Variants in UBAC2 observed in about 807,000 individuals in gnomAD.
UBAC2 encodes the protein UBA domain containing 2.
A neutral mutation model predicts 44.0 loss-of-function variants in UBAC2; 26 were observed. That is an observed-to-expected ratio of 0.59 (90% confidence interval 0.43 to 0.82). The LOEUF (loss-of-function observed/expected upper bound fraction) is 0.82. Among genes scored for constraint, UBAC2 ranks in the 40% least tolerant of loss-of-function variants. The pLI is 0.00. For synonymous variants in UBAC2, 155 were observed against 154.3 expected, an observed-to-expected ratio of 1.00 and a Z score of -0.04; for missense variants, 329 against 419.4, an observed-to-expected ratio of 0.78 and a Z score of 1.88.
chr13:99,217,983 T>C (rs2043016285), intron 1 of UBAC2, among the ~76,000 whole-genome samples: 1 of 152,218 alleles, frequency 6.6e-6, no homozygotes, highest in African/African-American at 2.4e-5. Context: ...TGAAAAGTAT[T>C]ATTTCTTCTC....
chr13:99,343,737 A>G (rs1447098282), intron 7 of UBAC2, among the ~76,000 whole-genome samples: 2 of 152,194 alleles, frequency 1.3e-5, no homozygotes, highest in Non-Finnish European at 2.9e-5. Flanking sequence ...CTCCTGCTGA[A>G]CTTCTTCACT....
At chr13:99,298,178 A>T (rs1200395340) in intron 4 of UBAC2, among the ~76,000 whole-genome samples, 2 of 152,174 alleles carry the variant, frequency 1.3e-5, no homozygotes, top group Non-Finnish European at 2.9e-5. Context: ...TTAAAGACTT[A>T]TTTACTCAAC....
intron 4 of UBAC2, among the ~76,000 whole-genome samples, chr13:99,251,784 T>A (rs1211096384): frequency 6.6e-6 from 1 of 152,160 alleles, no homozygotes; most frequent in African/African-American, 2.4e-5. Flanking sequence ...GCAAGTTGCT[T>A]CTCTCAAGCT....
chr13:99,301,287 G>A (rs865828315), intron 4 of UBAC2, among the ~76,000 whole-genome samples: 2 of 152,280 alleles, frequency 1.3e-5, no homozygotes, highest in South Asian at 2.1e-4. Context: ...GGGCCCTGTC[G>A]GCCTTCAAGG....
chr13:99,277,559 A>C (rs1425434195), intron 4 of UBAC2, among the ~76,000 whole-genome samples: 1 of 152,148 alleles, frequency 6.6e-6, no homozygotes, highest in Admixed American at 6.5e-5. Flanking sequence ...ATAAAAGGCA[A>C]TATTGGTTTT....
chr13:99,266,645 T>G (rs185163141), intron 4 of UBAC2, among the ~76,000 whole-genome samples: 1 of 152,310 alleles, frequency 6.6e-6, no homozygotes, highest in Admixed American at 6.5e-5. Context: ...ACTAAGATAT[T>G]AAACATAAAT....
At chr13:99,223,929 T>C (rs1275409066) in intron 1 of UBAC2, among the ~76,000 whole-genome samples, 2 of 152,174 alleles carry the variant, frequency 1.3e-5, no homozygotes, top group African/African-American at 4.8e-5. Flanking sequence ...GAATGCTCCA[T>C]ATGCACTTGA....
At chr13:99,284,737 C>T (rs189624850) in intron 4 of UBAC2, among the ~76,000 whole-genome samples, 64 of 152,258 alleles carry the variant, frequency 4.2e-4, no homozygotes, top group Non-Finnish European at 7.5e-4. Context: ...CTGTTTAATC[C>T]GGACTGTTCC....
At chr13:99,232,910 C>G (rs1490854992) in intron 1 of UBAC2, among the ~76,000 whole-genome samples, 2 of 152,110 alleles carry the variant, frequency 1.3e-5, no homozygotes, top group Non-Finnish European at 2.9e-5. Context: ...CCACTGCACT[C>G]TAGCCTGGGC....
chr13:99,272,116 C>T (rs2043823396), intron 4 of UBAC2, among the ~76,000 whole-genome samples: 1 of 152,160 alleles, frequency 6.6e-6, no homozygotes. Flanking sequence ...TCCCAGCTCT[C>T]TTTCCTTGAG....
chr13:99,355,276 T>C (rs1256997640), intron 7 of UBAC2, among the ~76,000 whole-genome samples: 1 of 152,150 alleles, frequency 6.6e-6, no homozygotes, highest in Non-Finnish European at 1.5e-5. Context: ...GACAAAAGAA[T>C]GAAGGAAGGG....
Position 99,337,977 on chromosome 13 carries a change from C to T in UBAC2, c.562-2343C>T, listed in dbSNP as rs73570105. ...TGTCTTGGGCCACACATAATATACA[C>T]TAACACTGAAGATAGCTGATGAGCT... On this transcript the variant is annotated intron_variant, in intron 6 of 8. Transcript: ENST00000403766. Among the ~76,000 whole-genome samples the T allele has an allele frequency of 1.0e-2, 1,491 of 149,836 alleles. 28 individuals carry two copies. Among genetic ancestry groups the T allele is most frequent in the African/African-American group, 0.036 (1,443 of 40,640 alleles).
At chr13:99,288,486 T>A (rs2044049327) in intron 4 of UBAC2, among the ~76,000 whole-genome samples, 1 of 152,234 alleles carries the variant, frequency 6.6e-6, no homozygotes, top group African/African-American at 2.4e-5. Context: ...TGTATTGCCC[T>A]CTTAAACAGC....
rs562764676 is a variant in UBAC2 at position 99,298,939 on chromosome 13, G to C, written c.390-15158G>C. On this transcript the variant is annotated intron_variant, in intron 4 of 8. Transcript: ENST00000403766. Reference sequence around the variant, plus strand: ...ATTTTTTTCTAAGTTCTTTGAAAATGTATTTTTTTCCAAAAATCTAAATGT... The same window carrying C: ...ATTTTTTTCTAAGTTCTTTGAAAATCTATTTTTTTCCAAAAATCTAAATGT... Among the ~76,000 whole-genome samples, 4 of 152,174 alleles carry C rather than the reference G, an allele frequency of 2.6e-5. No homozygotes were observed. In the East Asian group the frequency reaches 7.7e-4, roughly 29 times the overall value.
intron 4 of UBAC2, among the ~76,000 whole-genome samples, chr13:99,277,844 T>C (rs2149261): frequency 0.58 from 87,590 of 151,958 alleles, 27,054 homozygotes; most frequent in Non-Finnish European, 0.71. Context: ...GCCTCTAATC[T>C]GGAGGTGGGT....
At chr13:99,358,701 C>T (rs2045223351) in intron 7 of UBAC2, among the ~76,000 whole-genome samples, 1 of 152,140 alleles carries the variant, frequency 6.6e-6, no homozygotes, top group Admixed American at 6.5e-5. Flanking sequence ...TGTGGTCTCA[C>T]ACGGGGCAGT....
intron 4 of UBAC2, among the ~76,000 whole-genome samples, chr13:99,296,605 C>G (rs1173978404): frequency 6.6e-6 from 1 of 151,706 alleles, no homozygotes; most frequent in Non-Finnish European, 1.5e-5. Context: ...TTTTTTTTAA[C>G]CAAATGCATA....
chr13:99,320,625 A>G (rs1318860032), intron 6 of UBAC2, among the ~76,000 whole-genome samples: 1 of 152,198 alleles, frequency 6.6e-6, no homozygotes, highest in African/African-American at 2.4e-5. Context: ...AATCATGGCC[A>G]GTTTTCCTAT....
chr13:99,345,034 G>A (rs1279179306), intron 7 of UBAC2, among the ~76,000 whole-genome samples: 4 of 152,154 alleles, frequency 2.6e-5, no homozygotes, highest in Non-Finnish European at 4.4e-5. Context: ...TGCCAAAAAA[G>A]ATTTCAGGAA....
Sources: allele counts gnomAD v4.1 joint callset (sites outside exome capture counted in the v4.1 genomes callset), GRCh38; gene constraint gnomAD v4.1.1; transcripts MANE v1.5; gene names NCBI Gene and HGNC (gene_info 2026-07-23, HGNC 2026-07-21).